NUDCD1: variants seen among roughly 807,000 people sequenced by gnomAD.
NUDCD1 encodes NudC domain containing 1, also known as nudC domain-containing protein 1.
Under a neutral mutation model 67.8 loss-of-function variants are expected in NUDCD1, and 60 were observed. That is an observed-to-expected ratio of 0.88 (90% CI 0.72 to 1.10). The LOEUF is 1.10. NUDCD1 is among the 50% of genes least tolerant of loss of function. NUDCD1 has a pLI of 0.00. For synonymous variants in NUDCD1, 244 were observed against 230.8 expected, an observed-to-expected ratio of 1.06 and a Z score of -0.52; for missense variants, 643 against 695.0, an observed-to-expected ratio of 0.93 and a Z score of 0.84.
At chr8:109,287,276 T>C (rs1814597574) in intron 5 of NUDCD1, among the ~76,000 whole-genome samples, 1 of 152,122 alleles carries the variant, frequency 6.6e-6, no homozygotes, top group Non-Finnish European at 1.5e-5. Flanking sequence ...CCCAGTAATC[T>C]CAATAGTGGG....
chr8:109,281,928 G>A (rs1343949889), intron 5 of NUDCD1, among the ~76,000 whole-genome samples: 1 of 152,106 alleles, frequency 6.6e-6, no homozygotes, highest in South Asian at 2.1e-4. Flanking sequence ...TCATACAGAG[G>A]GGCCCTCCCT....
At chr8:109,251,199 A>T in intron 8 of NUDCD1, among the ~76,000 whole-genome samples, 1 of 137,856 alleles carries the variant, frequency 7.3e-6, no homozygotes, top group African/African-American at 2.7e-5. Context: ...TTTTGGAGAG[A>T]GTCTCGCTCT....
intron 5 of NUDCD1, among the ~76,000 whole-genome samples, chr8:109,281,547 T>A (rs981394082): frequency 1.3e-5 from 2 of 152,084 alleles, no homozygotes; most frequent in African/African-American, 4.8e-5. Context: ...TAAAATATGT[T>A]ACCCAGAAAA....
At chr8:109,266,992 C>T (rs901318867) in intron 8 of NUDCD1, among the ~76,000 whole-genome samples, 2 of 152,122 alleles carry the variant, frequency 1.3e-5, no homozygotes, top group African/African-American at 2.4e-5. Flanking sequence ...ATATACTAAC[C>T]TTCCCATGTA....
chr8:109,256,081 T>G (rs1241211346), intron 8 of NUDCD1, among the ~76,000 whole-genome samples: 5 of 152,070 alleles, frequency 3.3e-5, no homozygotes, highest in Non-Finnish European at 7.4e-5. Context: ...CGTGTTGGGA[T>G]GCACCTGTGG....
chr8:109,278,602 TC>T (rs1161786068), intron 6 of NUDCD1, among the ~76,000 whole-genome samples: 1 of 152,210 alleles, frequency 6.6e-6, no homozygotes, highest in African/African-American at 2.4e-5. Flanking sequence ...CTGATTTGTA[TC>T]ACCATAGATT....
At chr8:109,308,025 G>A (rs1815153009) in intron 2 of NUDCD1, among the ~76,000 whole-genome samples, 1 of 152,060 alleles carries the variant, frequency 6.6e-6, no homozygotes, top group Admixed American at 6.5e-5. Flanking sequence ...CAATAATAGT[G>A]GGGGACTTCA....
chr8:109,287,927 C>T (rs1056737101), intron 5 of NUDCD1, among the ~76,000 whole-genome samples: 1 of 152,098 alleles, frequency 6.6e-6, no homozygotes, highest in Non-Finnish European at 1.5e-5. Flanking sequence ...TTACTGGTTG[C>T]TTTGAGTACC....
At chr8:109,325,178 T>C (rs891945667) in intron 1 of NUDCD1, among the ~76,000 whole-genome samples, 3 of 151,728 alleles carry the variant, frequency 2.0e-5, no homozygotes, top group Admixed American at 6.6e-5. Context: ...AGTAGAAAGA[T>C]AGTTATCAGA....
intron 8 of NUDCD1, 134 bp downstream of exon 8, chr8:109,270,871 G>T: frequency 3.6e-6 from 2 of 550,664 alleles, no homozygotes; most frequent in Non-Finnish European, 6.3e-6. Context: ...ATGAAAAGAT[G>T]CTACTTTATG....
intron 8 of NUDCD1, among the ~76,000 whole-genome samples, chr8:109,262,256 C>A (rs2926202): frequency 1.3e-5 from 2 of 152,024 alleles, no homozygotes; most frequent in South Asian, 2.1e-4. Flanking sequence ...TGTTAATGCC[C>A]CCAGTGGACA....
intron 8 of NUDCD1, among the ~76,000 whole-genome samples, chr8:109,253,595 T>C (rs949812291): frequency 2.0e-5 from 3 of 152,238 alleles, no homozygotes; most frequent in African/African-American, 7.2e-5. Flanking sequence ...TGACTTGAGA[T>C]AACCAAAGGT....
chr8:109,271,278 A>C (rs1032361982), intron 7 of NUDCD1, 148 bp from the exon 8 acceptor site: 33 of 530,212 alleles, frequency 6.2e-5, no homozygotes, highest in Non-Finnish European at 4.6e-5. Flanking sequence ...CAAAAACAGA[A>C]ATAACAGAAT....
intron 2 of NUDCD1, chr8:109,316,589 T>C (rs926583149): frequency 6.6e-6 from 1 of 152,174 alleles, no homozygotes; most frequent in Non-Finnish European, 1.5e-5. Context: ...TATAAGCCAA[T>C]AGTCTAGTTA....
intron 8 of NUDCD1, among the ~76,000 whole-genome samples, chr8:109,255,476 A>T (rs145973127): frequency 6.6e-6 from 1 of 152,168 alleles, no homozygotes; most frequent in Non-Finnish European, 1.5e-5. Context: ...TTAAATTTCT[A>T]CTTTAAAAAG....
chr8:109,252,602 T>C (rs1813646561), intron 8 of NUDCD1, among the ~76,000 whole-genome samples: 1 of 152,204 alleles, frequency 6.6e-6, no homozygotes, highest in South Asian at 2.1e-4. Flanking sequence ...ACTTCCCTTG[T>C]GTCTGTGAAT....
chr8:109,301,953 T>C (rs139613043), intron 2 of NUDCD1, among the ~76,000 whole-genome samples: 4,957 of 152,272 alleles, frequency 0.033, 103 homozygotes, highest in Middle Eastern at 0.11. Context: ...GCAAGTCAAG[T>C]GCGGGGATGC....
chr8:109,271,106 GT>G lies in NUDCD1; in HGVS notation c.1197del (p.Lys399AsnfsTer9), dbSNP rs755960889. 2.5e-6 allele frequency: 4 copies of G among 1,573,438 alleles called. No homozygotes were observed. The highest frequency in any genetic ancestry group is 1.8e-5 in the Admixed American group (1 of 54,702). On this transcript the variant is annotated frameshift_variant, in exon 8 of 10. Coordinates refer to ENST00000239690, the MANE Select transcript of NUDCD1 (RefSeq NM_032869.4). LOFTEE classifies it high-confidence loss of function. ...EELNPNPDKE[K>X]PPCNAQELEE... ...TCTAACTCTTGAGCATTGCAAGGTG[GT>G]TTTTCTTTATCTGGATTTGGATTCT... is the stretch of plus-strand genomic sequence containing the variant.
chr8:109,243,202 T>C lies in NUDCD1; in HGVS notation c.1559A>G (p.Tyr520Cys), dbSNP rs762511873. 28 of 1,613,674 alleles carry C rather than the reference T, an allele frequency of 1.7e-5. No homozygotes were observed. Among genetic ancestry groups the C allele is most frequent in the East Asian group, 4.5e-5 (2 of 44,886 alleles). Residue 520 changes from tyrosine to cysteine, a missense_variant, in exon 10 of 10, where the codon TAT (tyrosine) becomes TGT (cysteine). Tyr to Cys is a radical substitution (Grantham distance 194). Transcript: ENST00000239690. ...AGTGGACATGGGAGCAGGCTGACGA[T>C]AGATGAATACTCGACGAAGGCACTC... ...LCECLRRVFI[Y>C]RQPAPMSTVL...
Sources: gnomAD v4.1 joint callset for allele counts (sites outside exome capture counted in the v4.1 genomes callset) on GRCh38, gnomAD v4.1.1 for gene constraint, MANE v1.5 for transcripts, NCBI Gene and HGNC (gene_info 2026-07-23, HGNC 2026-07-21) for gene names.